The following RBMS3 variants were observed in gnomAD, a reference collection of about 807,000 sequenced individuals.
RBMS3 encodes the protein RNA binding motif single stranded interacting protein 3, also known as RNA-binding motif, single-stranded-interacting protein 3.
RBMS3 carries 27 observed loss-of-function variants against 66.8 expected under a neutral mutation model. The ratio of observed to expected loss-of-function variants is 0.40; its 90% CI spans 0.30 to 0.56. The LOEUF is 0.56. Among genes scored for constraint, RBMS3 ranks in the 20% least tolerant of loss-of-function variants. RBMS3 has a pLI of 0.40. For missense variants in RBMS3, 513 were observed against 549.5 expected (o/e 0.93, Z 0.66); for synonymous variants, 188 against 183.0 (o/e 1.03, Z -0.22).
intron 1 of RBMS3, among the ~76,000 whole-genome samples, chr3:29,334,246 C>G (rs1255113712): frequency 2.0e-5 from 3 of 152,056 alleles, no homozygotes; most frequent in African/African-American, 4.8e-5. Flanking sequence ...TTTCACAGTT[C>G]CGTTTGCAAT....
intron 4 of RBMS3, among the ~76,000 whole-genome samples, chr3:29,634,607 T>G (rs2149182922): frequency 6.6e-6 from 1 of 151,960 alleles, no homozygotes; most frequent in South Asian, 2.1e-4. Context: ...CAGTGGTAAC[T>G]TACTTGATAA....
In RBMS3 at chr3:29,705,837, G is replaced by C. The variant is rs2052863127; in HGVS notation, c.400-33883G>C. On this transcript the variant is annotated intron_variant, in intron 4 of 14. Transcript: ENST00000383767. The stretch of plus-strand genomic sequence containing the variant: ...GTATTCAGATTAAAGAACTAAGGTG[G>C]CACTAAGTCCATACAGTTGATGTCA... 3.3e-5 allele frequency among the ~76,000 whole-genome samples: 5 copies of C among 152,140 alleles called. No individual in the cohort carries two copies. The South Asian group carries it at 1.0e-3, about 31-fold the overall frequency.
intron 3 of RBMS3, among the ~76,000 whole-genome samples, chr3:29,559,650 C>T (rs76216894): frequency 0.014 from 2,018 of 145,260 alleles, 46 homozygotes; most frequent in African/African-American, 0.048. Flanking sequence ...TCAAACTTGT[C>T]TACAAAACTA....
At chr3:29,466,577 A>C (rs760455618) in intron 2 of RBMS3, among the ~76,000 whole-genome samples, 1 of 152,178 alleles carries the variant, frequency 6.6e-6, no homozygotes, top group African/African-American at 2.4e-5. Context: ...AGTTCTCCAG[A>C]ATAATGATGC....
At chr3:29,861,011 C>A (rs2059200500) in intron 6 of RBMS3, among the ~76,000 whole-genome samples, 1 of 152,102 alleles carries the variant, frequency 6.6e-6, no homozygotes, top group Non-Finnish European at 1.5e-5. Flanking sequence ...CTACAGGCGC[C>A]CGCCACCACG....
chr3:29,330,631 C>G (rs1357219351), intron 1 of RBMS3, among the ~76,000 whole-genome samples: 1 of 152,080 alleles, frequency 6.6e-6, no homozygotes, highest in Non-Finnish European at 1.5e-5. Context: ...GCTGAACTAG[C>G]CTTGCTTATT....
intron 4 of RBMS3, among the ~76,000 whole-genome samples, chr3:29,669,075 T>A (rs1373629470): frequency 6.6e-6 from 1 of 152,062 alleles, no homozygotes; most frequent in Admixed American, 6.6e-5. Flanking sequence ...TGAATGGAGG[T>A]GCCCCACGCC....
chr3:29,461,977 C>T (rs919997011), intron 2 of RBMS3, among the ~76,000 whole-genome samples: 1 of 131,920 alleles, frequency 7.6e-6, no homozygotes, highest in East Asian at 2.2e-4. Context: ...GAGGTTTCAC[C>T]GTGTTAGCCA....
intron 8 of RBMS3, among the ~76,000 whole-genome samples, chr3:29,893,296 G>T (rs1577083376): frequency 6.6e-6 from 1 of 151,446 alleles, no homozygotes; most frequent in East Asian, 2.0e-4. Context: ...TCCCCCAAGG[G>T]TTCCTTTTGC....
chr3:29,886,989 C>G (rs1354881411), intron 8 of RBMS3, among the ~76,000 whole-genome samples: 1 of 151,722 alleles, frequency 6.6e-6, no homozygotes, highest in African/African-American at 2.4e-5. Flanking sequence ...GTGAATAAGA[C>G]ACACCCAGTC....
rs183602620 is a variant in RBMS3 at position 29,500,606 on chromosome 3, A to T, written c.307+12107A>T. Among the ~76,000 whole-genome samples the T allele has an allele frequency of 7.5e-3, 1,146 of 152,136 alleles. 5 individuals carry two copies. The highest frequency in any genetic ancestry group is 0.012 in the Non-Finnish European group (789 of 67,992). The stretch of plus-strand genomic sequence containing the variant: ...ATATACAAATACTTATGATTGTGTT[A>T]CCATTGCCTACAGTATTCAGTATTG... On this transcript the variant is annotated intron_variant, in intron 3 of 14. Transcript: ENST00000383767.
At chr3:29,515,408 C>T (rs1420419528) in intron 3 of RBMS3, among the ~76,000 whole-genome samples, 1 of 152,004 alleles carries the variant, frequency 6.6e-6, no homozygotes, top group African/African-American at 2.4e-5. Context: ...GGGTAAAGAG[C>T]TTGTTATAAA....
chr3:29,382,632 G>A (rs72852316), intron 1 of RBMS3, among the ~76,000 whole-genome samples: 11,100 of 152,184 alleles, frequency 0.073, 595 homozygotes, highest in African/African-American at 0.15. Context: ...GAAGCAACAC[G>A]CTGTTTTGAC....
At chr3:29,374,623 A>T (rs1359992650) in intron 1 of RBMS3, among the ~76,000 whole-genome samples, 1 of 152,222 alleles carries the variant, frequency 6.6e-6, no homozygotes, top group Non-Finnish European at 1.5e-5. Context: ...TGTTCTGAGC[A>T]TGTTTAAGTT....
intron 14 of RBMS3, among the ~76,000 whole-genome samples, chr3:29,997,127 A>C (rs909152609): frequency 1.3e-5 from 2 of 151,692 alleles, no homozygotes; most frequent in Admixed American, 1.3e-4. Flanking sequence ...CCATCAGAGA[A>C]TACTACAAAC....
intron 3 of RBMS3, among the ~76,000 whole-genome samples, chr3:29,498,081 G>C (rs891943648): frequency 7.9e-6 from 1 of 127,044 alleles, no homozygotes; most frequent in South Asian, 2.7e-4. Flanking sequence ...CGCAACCTCC[G>C]CCTCCCGGGT....
intron 3 of RBMS3, among the ~76,000 whole-genome samples, chr3:29,490,273 G>A (rs1262368677): frequency 6.6e-6 from 1 of 151,662 alleles, no homozygotes; most frequent in Non-Finnish European, 1.5e-5. Flanking sequence ...TAAAGGGAGG[G>A]AGTGGAAACA....
chr3:29,334,858 T>G (rs923944954), intron 1 of RBMS3, among the ~76,000 whole-genome samples: 3 of 152,226 alleles, frequency 2.0e-5, no homozygotes, highest in Non-Finnish European at 4.4e-5. Context: ...TCAGACAGAT[T>G]GAGTGTATAA....
chr3:29,538,598 G>C (rs567739669), intron 3 of RBMS3, among the ~76,000 whole-genome samples: 59 of 152,300 alleles, frequency 3.9e-4, no homozygotes, highest in African/African-American at 1.4e-3. Context: ...TTTGTCTGGT[G>C]CTTAAAAACA....
Sources: gnomAD v4.1 joint callset for allele counts (sites outside exome capture counted in the v4.1 genomes callset) on GRCh38, gnomAD v4.1.1 for gene constraint, MANE v1.5 for transcripts, NCBI Gene and HGNC (gene_info 2026-07-23, HGNC 2026-07-21) for gene names.